Variants in MYCBP2 observed in about 807,000 individuals in gnomAD.
MYCBP2 encodes MYC binding protein 2.
A neutral mutation model predicts 525.3 loss-of-function variants in MYCBP2; 120 were observed. That is an observed-to-expected ratio of 0.23 (90% CI 0.20 to 0.27). The LOEUF (loss-of-function observed/expected upper bound fraction) is 0.27, where lower values mean the gene tolerates loss of function less well. MYCBP2 is among the 10% of genes least tolerant of loss of function. MYCBP2 has a pLI of 1.00. For synonymous variants in MYCBP2, 1,894 were observed against 1,955.8 expected (o/e 0.97, Z 0.83); for missense variants, 4,149 against 5,657.1 (o/e 0.73, Z 8.55).
In MYCBP2 at chr13:77,294,131, C is replaced by CATATATATATATATATATATATATAAAT; in HGVS notation, c.378+2467_378+2468insATTTATATATATATATATATATATATAT. Among the ~76,000 whole-genome samples the CATATATATATATATATATATATATAAAT allele has an allele frequency of 4.6e-5, 3 of 65,706 alleles. 1 individual carries two copies. Among genetic ancestry groups the CATATATATATATATATATATATATAAAT allele is most frequent in the Non-Finnish European group, 9.0e-5 (3 of 33,400 alleles). The allele number at this position is 65,706 out of a possible 152,430, so 43.1% of individuals were successfully genotyped here. A position where few individuals can be genotyped will look rare whatever the true frequency, so the allele number is the denominator to read the frequency against. ...ATATATATATATATATATATATATA[C>CATATATATATATATATATATATATAAAT]ATATATATATACATATATATAAAAT... On this transcript the variant is annotated intron_variant, in intron 2 of 82. Transcript: ENST00000544440.
In MYCBP2 at chr13:77,059,619, G is replaced by A. The variant is rs1188503459; in HGVS notation, c.13044C>T (p.Pro4348=). The change falls in exon 77 of 83, where the codon CCC becomes CCT. Residue 4348 remains proline (P), a synonymous_variant. Transcript: ENST00000544440. ...MVEFREHTGK[P]TTSSSEACRF... The stretch of plus-strand genomic sequence containing the variant: ...GACATGCTTCTGAGCTACTCGTGGT[G>A]GGTTTGCCTAGGTTCAAGCAGAAAA... 3.1e-6 allele frequency: 5 copies of A among 1,613,120 alleles called. No individual in the cohort carries two copies. In the Admixed American group the frequency reaches 8.3e-5, roughly 27 times the overall value.
intron 44 of MYCBP2, among the ~76,000 whole-genome samples, chr13:77,160,815 C>T (rs2057821789): frequency 6.6e-6 from 1 of 152,112 alleles, no homozygotes; most frequent in Admixed American, 6.5e-5. Context: ...AAAACTAAGG[C>T]TATAACAGAG....
intron 4 of MYCBP2, among the ~76,000 whole-genome samples, chr13:77,274,769 C>T (rs543394341): frequency 6.6e-6 from 1 of 152,234 alleles, no homozygotes; most frequent in African/African-American, 2.4e-5. Flanking sequence ...TTCGCTTTTG[C>T]CCCAATAGCC....
At chr13:77,175,486 T>C (rs2059605884) in intron 36 of MYCBP2, among the ~76,000 whole-genome samples, 1 of 152,168 alleles carries the variant, frequency 6.6e-6, no homozygotes, top group African/African-American at 2.4e-5. Context: ...AATTTCACAA[T>C]AAAAGCTTTT....
chr13:77,125,523 T>C, intron 53 of MYCBP2, 55 bp from the exon 54 acceptor site: 1 of 1,595,496 alleles, frequency 6.3e-7, no homozygotes, highest in Non-Finnish European at 8.6e-7. Flanking sequence ...GGGAACTCAG[T>C]CTGAAAACCA....
At chr13:77,242,664 G>C (rs1236157612) in intron 17 of MYCBP2, among the ~76,000 whole-genome samples, 1 of 152,166 alleles carries the variant, frequency 6.6e-6, no homozygotes, top group Non-Finnish European at 1.5e-5. Context: ...AAATGAAAAA[G>C]ACTAAATTGA....
intron 1 of MYCBP2, among the ~76,000 whole-genome samples, chr13:77,320,973 A>C (rs565218863): frequency 1.3e-5 from 2 of 152,304 alleles, no homozygotes; most frequent in South Asian, 4.1e-4. Context: ...CAGGGGTAGG[A>C]GGGCCTGACA....
At chr13:77,105,343 T>C (rs1303409162) in intron 55 of MYCBP2, among the ~76,000 whole-genome samples, 2 of 152,078 alleles carry the variant, frequency 1.3e-5, no homozygotes, top group African/African-American at 4.8e-5. Flanking sequence ...GTCTTTTCAA[T>C]ATATTACAAA....
intron 62 of MYCBP2, among the ~76,000 whole-genome samples, chr13:77,083,566 A>T (rs2043686461): frequency 6.6e-6 from 1 of 152,074 alleles, no homozygotes; most frequent in Non-Finnish European, 1.5e-5. Flanking sequence ...GTGTATGTTT[A>T]TGTATAAAAA....
At chr13:77,069,860 T>A (rs964765786) in intron 69 of MYCBP2, among the ~76,000 whole-genome samples, 1 of 151,148 alleles carries the variant, frequency 6.6e-6, no homozygotes, top group African/African-American at 2.4e-5. Context: ...AGAGCGAGAC[T>A]CCCTCTCGAA....
At chr13:77,125,996 C>T (rs2051587210) in intron 53 of MYCBP2, among the ~76,000 whole-genome samples, 1 of 152,150 alleles carries the variant, frequency 6.6e-6, no homozygotes, top group South Asian at 2.1e-4. Flanking sequence ...ACCACATCTC[C>T]ATACCGATCA....
intron 35 of MYCBP2, among the ~76,000 whole-genome samples, chr13:77,177,345 T>C (rs2059808904): frequency 6.7e-6 from 1 of 148,536 alleles, no homozygotes; most frequent in Non-Finnish European, 1.5e-5. Context: ...TTTTTTTTTT[T>C]TTTTTTTTTG....
In MYCBP2 at chr13:77,058,195, A is replaced by C. The variant is rs776049633; in HGVS notation, c.13329+23T>G. The C allele has an allele frequency of 6.2e-7, 1 of 1,609,932 alleles. No individual in the cohort carries two copies. Among genetic ancestry groups the C allele is most frequent in the Admixed American group, 1.7e-5 (1 of 59,486 alleles). ...CCCATCTTAATGTCTGGATACATTC[A>C]ATACTTTAAAAGCTGAGGCAACCTG... On this transcript the variant is annotated intron_variant, in intron 78 of 82. Transcript: ENST00000544440. The surrounding 1 kb of genome is among the most constrained non-coding windows in gnomAD (Gnocchi z 4.1).
intron 1 of MYCBP2, among the ~76,000 whole-genome samples, chr13:77,305,865 C>G (rs2079353837): frequency 6.6e-6 from 1 of 151,996 alleles, no homozygotes; most frequent in Admixed American, 6.5e-5. Flanking sequence ...CCTTGGTGAA[C>G]CAGGAACAGA....
chr13:77,226,571 T>C (rs569089753), intron 18 of MYCBP2, among the ~76,000 whole-genome samples: 26 of 152,336 alleles, frequency 1.7e-4, no homozygotes, highest in African/African-American at 5.5e-4. Flanking sequence ...CAAGTGTGTA[T>C]TATATGAAGA....
intron 19 of MYCBP2, among the ~76,000 whole-genome samples, chr13:77,224,761 G>T (rs3825499): frequency 0.068 from 10,389 of 152,026 alleles, 567 homozygotes; most frequent in African/African-American, 0.14. Context: ...TTAAAAATTC[G>T]TATAAATGCC....
chr13:77,234,528 C>T (rs1375527705), intron 17 of MYCBP2, among the ~76,000 whole-genome samples: 1 of 151,366 alleles, frequency 6.6e-6, no homozygotes, highest in Admixed American at 6.6e-5. Flanking sequence ...AATGCAAATA[C>T]CTCAAATTGT....
chr13:77,317,825 A>G (rs773115707), intron 1 of MYCBP2, among the ~76,000 whole-genome samples: 7 of 152,070 alleles, frequency 4.6e-5, no homozygotes, highest in Non-Finnish European at 1.0e-4. Flanking sequence ...TAGTCCCAGC[A>G]ACTCAGGAGG....
At chr13:77,092,446 T>C (rs1394502932) in intron 59 of MYCBP2, 2 of 152,056 alleles carry the variant, frequency 1.3e-5, no homozygotes, top group Non-Finnish European at 2.9e-5. Flanking sequence ...GTTTCAGTGG[T>C]ACTCTATTTT....
Sources: allele counts gnomAD v4.1 joint callset (sites outside exome capture counted in the v4.1 genomes callset), GRCh38; gene constraint gnomAD v4.1.1; non-coding constraint Gnocchi (gnomAD v3.1); transcripts MANE v1.5; gene names NCBI Gene and HGNC (gene_info 2026-07-23, HGNC 2026-07-21).